Variants in TMED3 observed in about 807,000 individuals in gnomAD.
The protein encoded by TMED3 is transmembrane emp24 domain-containing protein 3.
A neutral mutation model predicts 15.0 loss-of-function variants in TMED3; 9 were observed. The observed-to-expected ratio is 0.60, with a 90% confidence interval of 0.36 to 1.04. TMED3 has a LOEUF of 1.04. Among genes scored for constraint, TMED3 ranks in the 50% least tolerant of loss-of-function variants. TMED3 has a pLI of 0.01. For synonymous variants in TMED3, 117 were observed against 121.4 expected, an observed-to-expected ratio of 0.96 and a Z score of 0.24; for missense variants, 267 against 278.9, an observed-to-expected ratio of 0.96 and a Z score of 0.30.
chr15:79,338,676 C>T (rs1010795307), intron 2 of TMED3, among the ~76,000 whole-genome samples: 1 of 152,136 alleles, frequency 6.6e-6, no homozygotes, highest in African/African-American at 2.4e-5. Context: ...GCTCTATAAT[C>T]ATAACCTAGG....
chr15:79,316,079 T>G (rs1292599041), intron 2 of TMED3: 1 of 152,290 alleles, frequency 6.6e-6, no homozygotes, highest in Non-Finnish European at 1.5e-5. Flanking sequence ...TTATCTTGCT[T>G]GGCATGGGTC....
intron 1 of TMED3, 38 bp downstream of exon 1, chr15:79,311,455 C>A: frequency 6.3e-7 from 1 of 1,579,938 alleles, no homozygotes. Flanking sequence ...CTTCTCCCTC[C>A]ACTCCCAGGT....
At chr15:79,345,682 G>C (rs960992761) in intron 2 of TMED3, among the ~76,000 whole-genome samples, 2 of 152,168 alleles carry the variant, frequency 1.3e-5, no homozygotes, top group Admixed American at 6.5e-5. Context: ...TGGGATTGCT[G>C]GGTCAAATAA....
intron 2 of TMED3, among the ~76,000 whole-genome samples, chr15:79,355,049 T>A (rs142797351): frequency 6.6e-6 from 1 of 152,290 alleles, no homozygotes; most frequent in African/African-American, 2.4e-5. Context: ...GCCACTGGGT[T>A]TACATACCCA....
chr15:79,373,024 G>A (rs1397362859), intron 2 of TMED3, among the ~76,000 whole-genome samples: 2 of 152,160 alleles, frequency 1.3e-5, no homozygotes, highest in Non-Finnish European at 2.9e-5. Flanking sequence ...CTAGCTCACT[G>A]GTAGCCTAGA....
At chr15:79,351,870 A>G (rs2058892315) in intron 2 of TMED3, among the ~76,000 whole-genome samples, 1 of 152,204 alleles carries the variant, frequency 6.6e-6, no homozygotes, top group Non-Finnish European at 1.5e-5. Flanking sequence ...TACGTATATG[A>G]TGGAATTCTA....
At chr15:79,334,039 G>A (rs529338449) in intron 2 of TMED3, among the ~76,000 whole-genome samples, 8 of 152,198 alleles carry the variant, frequency 5.3e-5, no homozygotes, top group African/African-American at 1.4e-4. Flanking sequence ...AACTTAATTT[G>A]CTATTAGCTA....
chr15:79,334,321 T>C (rs1182840384), intron 2 of TMED3, among the ~76,000 whole-genome samples: 2 of 152,196 alleles, frequency 1.3e-5, no homozygotes, highest in African/African-American at 4.8e-5. Context: ...GGGTTAAGAC[T>C]TTCCTAAAAG....
intron 2 of TMED3, chr15:79,383,321 A>G (rs1893569534): frequency 2.7e-6 from 1 of 364,754 alleles, no homozygotes; most frequent in Non-Finnish European, 5.0e-6. Context: ...GTGCCCTTAG[A>G]TGGAGAAAAG....
At chr15:79,377,846 CCG>C (rs1893457280) in intron 2 of TMED3, among the ~76,000 whole-genome samples, 1 of 151,918 alleles carries the variant, frequency 6.6e-6, no homozygotes, top group Admixed American at 6.6e-5. Flanking sequence ...CGGGGTTTCA[CCG>C]TGTTAGCCAG....
At chr15:79,372,175 G>A (rs1164438144) in intron 2 of TMED3, among the ~76,000 whole-genome samples, 3 of 152,234 alleles carry the variant, frequency 2.0e-5, no homozygotes, top group Admixed American at 6.5e-5. Context: ...ACCAAGATAG[G>A]TAGGGAAGTT....
rs181686066 is a variant in TMED3 at position 79,388,396 on chromosome 15, C to T, written c.418-23004C>T. 5.6e-4 allele frequency among the ~76,000 whole-genome samples: 84 copies of T among 151,124 alleles called. 1 individual carries two copies. Among genetic ancestry groups the T allele is most frequent in the Non-Finnish European group, 1.1e-3 (73 of 67,784 alleles). The stretch of plus-strand genomic sequence containing the variant: ...TCATATTATCATGTTATTTTTCTCC[C>T]TTAATCTGTTGACAAGGAGAATTAT... On this transcript the variant is annotated intron_variant, in intron 2 of 2. Transcript: ENST00000424155.
chr15:79,407,850 C>G (rs1191771909), intron 2 of TMED3, among the ~76,000 whole-genome samples: 1 of 152,174 alleles, frequency 6.6e-6, no homozygotes, highest in Non-Finnish European at 1.5e-5. Flanking sequence ...TTTATGCTAT[C>G]TGTCTAAGAA....
At chr15:79,357,918 G>A in intron 2 of TMED3, among the ~76,000 whole-genome samples, 1 of 152,164 alleles carries the variant, frequency 6.6e-6, no homozygotes, top group East Asian at 1.9e-4. Context: ...TTGGTCTTGT[G>A]AGTCTAAGTC....
chr15:79,410,802 C>A (rs577049475), intron 2 of TMED3, among the ~76,000 whole-genome samples: 4 of 152,072 alleles, frequency 2.6e-5, no homozygotes, highest in South Asian at 4.2e-4. Context: ...CTCTCAGAAG[C>A]AATGATTTGC....
At chr15:79,320,049 A>G (rs537212202) in intron 2 of TMED3, among the ~76,000 whole-genome samples, 1 of 152,236 alleles carries the variant, frequency 6.6e-6, no homozygotes, top group Non-Finnish European at 1.5e-5. Context: ...TCTGAACTCC[A>G]CTGGGAAAAG....
At chr15:79,356,642 A>T (rs2058920220) in intron 2 of TMED3, among the ~76,000 whole-genome samples, 1 of 152,216 alleles carries the variant, frequency 6.6e-6, no homozygotes, top group Admixed American at 6.5e-5. Context: ...GGGCAAAAGG[A>T]TGGAGAGTGT....
At chr15:79,370,256 A>ATTTTTTTTTTTTTTTTTTTT (rs398028085) in intron 2 of TMED3, among the ~76,000 whole-genome samples, 2 of 104,950 alleles carry the variant, frequency 1.9e-5, no homozygotes, top group Non-Finnish European at 3.6e-5. Flanking sequence ...TGCCCAGCTA[A>ATTTTTTTTTTTTTTTTTTTT]TTTTTTTTTT....
At chr15:79,314,888 G>A (rs1305741635) in intron 2 of TMED3, among the ~76,000 whole-genome samples, 2 of 152,178 alleles carry the variant, frequency 1.3e-5, no homozygotes, top group Non-Finnish European at 2.9e-5. Flanking sequence ...GGCTTCCTGA[G>A]GGCTAGGACC....
Sources: gnomAD v4.1 joint callset for allele counts (sites outside exome capture counted in the v4.1 genomes callset) on GRCh38, gnomAD v4.1.1 for gene constraint, MANE v1.5 for transcripts, NCBI Gene and HGNC (gene_info 2026-07-23, HGNC 2026-07-21) for gene names.